Variants in MTMR10 observed in about 807,000 individuals in gnomAD.
MTMR10 encodes the protein myotubularin-related protein 10.
In MTMR10, 56 loss-of-function variants were observed where a neutral mutation model predicts 88.1. That is an observed-to-expected ratio of 0.64 (90% confidence interval 0.51 to 0.79). MTMR10 has a LOEUF of 0.79. Ranked by LOEUF, MTMR10 falls within the 30% of genes least tolerant of loss-of-function variation. The pLI, the probability that MTMR10 is intolerant of heterozygous loss-of-function variation, is 0.00. For missense variants in MTMR10, 883 were observed against 924.7 expected, an observed-to-expected ratio of 0.95 and a Z score of 0.58; for synonymous variants, 380 against 340.9, an observed-to-expected ratio of 1.11 and a Z score of -1.26.
At chr15:30,929,226 A>C in the MTMR10 span, 1 of 1,612,626 alleles carries the variant, frequency 6.2e-7, no homozygotes, top group African/African-American at 1.3e-5. Flanking sequence ...ACTTGTGCAC[A>C]GACAGCTTCT....
At chr15:30,965,438 A>G (rs2063461240) in intron 6 of MTMR10, among the ~76,000 whole-genome samples, 1 of 152,236 alleles carries the variant, frequency 6.6e-6, no homozygotes, top group African/African-American at 2.4e-5. Context: ...TAACTTCATG[A>G]AACTTTCAAT....
chr15:30,969,425 A>G (rs1373063355), intron 5 of MTMR10, among the ~76,000 whole-genome samples: 1 of 152,154 alleles, frequency 6.6e-6, no homozygotes, highest in Non-Finnish European at 1.5e-5. Flanking sequence ...TTCTAGCAGC[A>G]AAACTACTGA....
the MTMR10 span, chr15:30,928,537 T>TGTGTGTGTGTGA: frequency 6.2e-7 from 1 of 1,612,806 alleles, no homozygotes; most frequent in Non-Finnish European, 8.5e-7. Context: ...TGTGTGTGTG[T>TGTGTGTGTGTGA]GTGACCTTGT....
the MTMR10 span, chr15:30,925,848 G>A: frequency 6.2e-7 from 1 of 1,614,100 alleles, no homozygotes; most frequent in Non-Finnish European, 8.5e-7. Context: ...TGTTTGTGAT[G>A]GAGGCCGGGG....
At chr15:30,953,509 G>C in intron 11 of MTMR10, 53 bp downstream of exon 11, 3 of 1,360,856 alleles carry the variant, frequency 2.2e-6, no homozygotes, top group Non-Finnish European at 3.1e-6. Context: ...CAGTGAGTCT[G>C]TAGTTATCTC....
intron 5 of MTMR10, among the ~76,000 whole-genome samples, chr15:30,969,452 A>G (rs1487455407): frequency 6.6e-6 from 1 of 152,092 alleles, no homozygotes; most frequent in Non-Finnish European, 1.5e-5. Flanking sequence ...TAGCTTGAAA[A>G]AGTTCTCATC....
the MTMR10 span, chr15:30,929,447 C>T: frequency 6.9e-7 from 1 of 1,446,488 alleles, no homozygotes; most frequent in Non-Finnish European, 9.4e-7. Context: ...TAACACCGCC[C>T]CAGTGCTGTC....
downstream of MTMR10, chr15:30,937,344 C>A: frequency 7.9e-7 from 1 of 1,270,414 alleles, no homozygotes; most frequent in Non-Finnish European, 1.1e-6. Context: ...TGTTATCGTG[C>A]ATTATAAACC....
chr15:30,980,449 T>G (rs2141060301), intron 2 of MTMR10, among the ~76,000 whole-genome samples: 1 of 152,314 alleles, frequency 6.6e-6, no homozygotes, highest in African/African-American at 2.4e-5. Flanking sequence ...AGAATGAACT[T>G]ATGCTTGCCT....
chr15:30,962,342 G>A (rs1250151687), intron 6 of MTMR10, among the ~76,000 whole-genome samples: 1 of 152,180 alleles, frequency 6.6e-6, no homozygotes, highest in East Asian at 1.9e-4. Flanking sequence ...TCTTTCTGCT[G>A]CAGGCTGCAA....
the MTMR10 span, among the ~76,000 whole-genome samples, chr15:30,921,418 G>A: frequency 1.3e-5 from 2 of 152,092 alleles, no homozygotes; most frequent in South Asian, 2.1e-4. Context: ...GAAATTTGTC[G>A]TATCCTAAAC....
At chr15:30,976,424 C>A (rs1384823654) in intron 3 of MTMR10, among the ~76,000 whole-genome samples, 2 of 151,990 alleles carry the variant, frequency 1.3e-5, no homozygotes, top group African/African-American at 4.8e-5. Flanking sequence ...ACAAAAAAAT[C>A]AAAAACCCAA....
the MTMR10 span, chr15:30,928,725 A>G: frequency 6.2e-7 from 1 of 1,606,432 alleles, no homozygotes; most frequent in South Asian, 1.1e-5. Flanking sequence ...CCACCTGGGC[A>G]CCGTGTGTCC....
chr15:30,973,850 A>G (rs1027584990), intron 5 of MTMR10, among the ~76,000 whole-genome samples: 1 of 152,148 alleles, frequency 6.6e-6, no homozygotes, highest in Non-Finnish European at 1.5e-5. Context: ...TCAATTCATA[A>G]TATTTCTTTA....
At chr15:30,922,170 G>C in the MTMR10 span, 4 of 1,575,692 alleles carry the variant, frequency 2.5e-6, no homozygotes, top group African/African-American at 5.5e-5. Flanking sequence ...CTATGGGCTT[G>C]TAAATATCAT....
chr15:30,941,652 A>G lies in MTMR10; in HGVS notation c.2152T>C (p.Phe718Leu), dbSNP rs199583047. The change falls in exon 16 of 16, where the codon TTC becomes CTC. Residue 718 changes from phenylalanine to leucine, a missense_variant. Physicochemically the swap from Phe to Leu is conservative, Grantham distance 22. Transcript: ENST00000435680. ...GTGTGGTGAGGGCCGCTGGCGTTGA[A>G]GTACATCCTGCTCTGGCCCAGCTCC... is the stretch of plus-strand genomic sequence containing the variant. ...YGELGQSRMY[F>L]NASGPHHTDT... The G allele has an allele frequency of 1.9e-6, 3 of 1,612,246 alleles. No homozygotes were observed. The highest frequency in any genetic ancestry group is 1.3e-5 in the African/African-American group (1 of 75,018).
At chr15:30,991,299 T>G in intron 1 of MTMR10, 148 bp downstream of exon 1, 1 of 780,524 alleles carries the variant, frequency 1.3e-6, no homozygotes, top group Non-Finnish European at 1.9e-6. Context: ...GAAGGCGCAT[T>G]TCGCGGCGCC....
the MTMR10 span, among the ~76,000 whole-genome samples, chr15:30,929,721 T>C: frequency 0.012 from 494 of 42,726 alleles, 39 homozygotes; most frequent in South Asian, 0.017. Context: ...ATATAATATA[T>C]ATAAAATATA....
At chr15:30,947,552 G>A (rs1404112311) in intron 13 of MTMR10, among the ~76,000 whole-genome samples, 2 of 152,184 alleles carry the variant, frequency 1.3e-5, no homozygotes, top group African/African-American at 4.8e-5. Flanking sequence ...CAGTTGAGCG[G>A]GTTGCCACTA....
Sources: allele counts gnomAD v4.1 joint callset (sites outside exome capture counted in the v4.1 genomes callset), GRCh38; gene constraint gnomAD v4.1.1; transcripts MANE v1.5; gene names NCBI Gene and HGNC (gene_info 2026-07-23, HGNC 2026-07-21).